The following MTR variants were observed in gnomAD, a reference collection of about 807,000 sequenced individuals.
MTR encodes the protein methionine synthase.
In MTR, 84 loss-of-function variants were observed where a neutral mutation model predicts 154.8. The ratio of observed to expected loss-of-function variants is 0.54; its 90% CI spans 0.45 to 0.65. MTR has a LOEUF of 0.65. Among genes scored for constraint, MTR ranks in the 30% least tolerant of loss-of-function variants. The pLI is 0.00. For synonymous variants in MTR, 554 were observed against 553.9 expected (o/e 1.00, Z 0.00); for missense variants, 1,275 against 1,570.2 (o/e 0.81, Z 3.18).
At chr1:236,894,996 T>A (rs1666542913) in intron 30 of MTR, 1 of 369,810 alleles carries the variant, frequency 2.7e-6, no homozygotes, top group Admixed American at 4.2e-5. Context: ...GGAGAGCCTC[T>A]CCCTTTTCCT....
At chr1:236,802,519 T>C (rs1444483969) in intron 1 of MTR, among the ~76,000 whole-genome samples, 1 of 152,036 alleles carries the variant, frequency 6.6e-6, no homozygotes, top group African/African-American at 2.4e-5. Flanking sequence ...CATCATGCGC[T>C]TTTCCTTAGG....
chr1:236,879,896 G>A (rs1287574132), intron 24 of MTR, among the ~76,000 whole-genome samples: 2 of 152,048 alleles, frequency 1.3e-5, no homozygotes, highest in East Asian at 1.9e-4. Context: ...GCTCATGCCT[G>A]TAATCCCAGC....
At chr1:236,836,710 A>G (rs1047536144) in intron 14 of MTR, among the ~76,000 whole-genome samples, 1 of 152,328 alleles carries the variant, frequency 6.6e-6, no homozygotes, top group Non-Finnish European at 1.5e-5. Context: ...TTGTGTCTTA[A>G]AACTCTTTAC....
rs372302445 is a variant in MTR at position 236,838,409 on chromosome 1, C to A, written c.1330-5C>A. The stretch of plus-strand genomic sequence containing the variant: ...TGTGTGATTTTCTTGCCTTTCTGAT[C>A]TCAGGTACCTTTGTGCATCGACTCC... On this transcript the variant is annotated splice_region_variant and splice_polypyrimidine_tract_variant and intron_variant, in intron 14 of 32. Coordinates refer to ENST00000366577, the MANE Select transcript of MTR (RefSeq NM_000254.3). 81 of 1,613,956 alleles carry A rather than the reference C, an allele frequency of 5.0e-5. No homozygotes were observed. Among genetic ancestry groups the A allele is most frequent in the Non-Finnish European group, 6.6e-5 (78 of 1,179,996 alleles).
intron 8 of MTR, among the ~76,000 whole-genome samples, chr1:236,821,254 T>C (rs1051018550): frequency 2.0e-5 from 3 of 152,198 alleles, no homozygotes; most frequent in Admixed American, 6.5e-5. Flanking sequence ...ACTGTTTTGC[T>C]TTATAACGAC....
At chr1:236,836,464 A>G (rs927961223) in intron 14 of MTR, among the ~76,000 whole-genome samples, 3 of 152,338 alleles carry the variant, frequency 2.0e-5, no homozygotes, top group East Asian at 3.9e-4. Context: ...TTGAACTCCT[A>G]GTCTCAATCA....
At chr1:236,824,483 C>T (rs1040588408) in intron 9 of MTR, among the ~76,000 whole-genome samples, 1 of 152,198 alleles carries the variant, frequency 6.6e-6, no homozygotes, top group African/African-American at 2.4e-5. Flanking sequence ...GGTGACAGCA[C>T]AAGCCTGGTG....
chr1:236,857,551 A>G (rs1022166976), intron 18 of MTR, among the ~76,000 whole-genome samples: 9 of 152,248 alleles, frequency 5.9e-5, no homozygotes, highest in Non-Finnish European at 1.3e-4. Flanking sequence ...CTGGACAAAC[A>G]TTACTCCAGC....
At chr1:236,887,100 C>A (rs1259923843) in intron 27 of MTR, among the ~76,000 whole-genome samples, 1 of 152,102 alleles carries the variant, frequency 6.6e-6, no homozygotes, top group Non-Finnish European at 1.5e-5. Context: ...AATGCAAAAC[C>A]AAGATAGAGT....
chr1:236,894,658 C>CA, intron 30 of MTR, 101 bp downstream of exon 30: 1 of 849,428 alleles, frequency 1.2e-6, no homozygotes, highest in Non-Finnish European at 1.8e-6. Context: ...GAACCAGTGT[C>CA]TTTTTTTTTT....
At chr1:236,891,829 C>T (rs866107250) in intron 29 of MTR, among the ~76,000 whole-genome samples, 19 of 152,086 alleles carry the variant, frequency 1.2e-4, no homozygotes, top group African/African-American at 4.1e-4. Flanking sequence ...TCCACACAGC[C>T]GTGTGAGGCA....
At chr1:236,861,796 G>A (rs1426743312) in intron 20 of MTR, among the ~76,000 whole-genome samples, 3 of 152,168 alleles carry the variant, frequency 2.0e-5, no homozygotes, top group African/African-American at 7.2e-5. Context: ...GTGGCTGTGC[G>A]GCATTTGAGA....
At chr1:236,882,391 AT>A (rs34832362) in intron 25 of MTR, among the ~76,000 whole-genome samples, 82,780 of 134,170 alleles carry the variant, frequency 0.62, 24,737 homozygotes, top group South Asian at 0.68. Context: ...CCCCTTCACC[AT>A]TTTTTTTTTT....
At position 236,850,485 on chromosome 1, in the gene MTR, T is replaced by C. The variant is rs767156705; in HGVS notation, c.1657T>C (p.Tyr553His). The change falls in exon 16 of 33, where the codon TAT becomes CAT. Residue 553 changes from tyrosine to histidine, a missense_variant. Physicochemically the swap from Tyr to His is moderately conservative, Grantham distance 83 (BLOSUM62 2). Transcript: ENST00000366577. ...IGTGMEEHNLYAINFIHATKV... is the reference protein window; with the variant it reads ...IGTGMEEHNLHAINFIHATKV... ...GACTGGAATGGAGGAACACAACTTGTATGCCATTAATTTTATCCATGCAAC... is the reference window on the plus strand; with the variant it reads ...GACTGGAATGGAGGAACACAACTTGCATGCCATTAATTTTATCCATGCAAC... 5.6e-6 allele frequency: 9 copies of C among 1,613,836 alleles called. No homozygotes were observed. The South Asian group carries it at 9.9e-5, about 18-fold the overall frequency.
intron 27 of MTR, 95 bp from the exon 28 acceptor site, chr1:236,889,086 T>C: frequency 1.4e-6 from 2 of 1,450,250 alleles, no homozygotes; most frequent in Non-Finnish European, 1.9e-6. Flanking sequence ...GGAGGCGGAG[T>C]GTGGGAGTTG....
intron 24 of MTR, among the ~76,000 whole-genome samples, chr1:236,876,820 A>G (rs1321795917): frequency 6.6e-6 from 1 of 152,236 alleles, no homozygotes; most frequent in Admixed American, 6.5e-5. Flanking sequence ...TCAGATTAGA[A>G]TTAACAAGAT....
At chr1:236,872,025 T>G (rs1429004869) in intron 22 of MTR, among the ~76,000 whole-genome samples, 2 of 152,190 alleles carry the variant, frequency 1.3e-5, no homozygotes, top group Admixed American at 1.3e-4. Flanking sequence ...TTTTTGCCTA[T>G]TTAATTTTAA....
chr1:236,858,622 C>G (rs1664342688), intron 18 of MTR, among the ~76,000 whole-genome samples: 1 of 152,066 alleles, frequency 6.6e-6, no homozygotes, highest in Non-Finnish European at 1.5e-5. Flanking sequence ...AATCAGAGAC[C>G]AGAATGATTC....
Position 236,894,576 on chromosome 1 carries a change from G to A in MTR, c.3405+19G>A, listed in dbSNP as rs368766116. 27 of 1,613,434 alleles carry A rather than the reference G, an allele frequency of 1.7e-5. No individual in the cohort carries two copies. Among genetic ancestry groups the A allele is most frequent in the African/African-American group, 8.0e-5 (6 of 74,876 alleles). ...GGCAGAGGTAAGGCAGAGGCATTGC[G>A]CCGAGGGGCTGAGGACAGAGGCCAG... On this transcript the variant is annotated intron_variant, in intron 30 of 32. Transcript: ENST00000366577.
Sources: gnomAD v4.1 joint callset for allele counts (sites outside exome capture counted in the v4.1 genomes callset) on GRCh38, gnomAD v4.1.1 for gene constraint, MANE v1.5 for transcripts, NCBI Gene and HGNC (gene_info 2026-07-23, HGNC 2026-07-21) for gene names.